The following TTLL4 variants were observed in gnomAD, a reference collection of about 807,000 sequenced individuals.
TTLL4 encodes the protein tubulin tyrosine ligase like 4, also known as tubulin monoglutamylase TTLL4.
Under a neutral mutation model 122.7 loss-of-function variants are expected in TTLL4, and 85 were observed. That is an observed-to-expected ratio of 0.69 (90% CI 0.58 to 0.83). The LOEUF (loss-of-function observed/expected upper bound fraction) is 0.83, where lower values mean the gene tolerates loss of function less well. Among genes scored for constraint, TTLL4 ranks in the 40% least tolerant of loss-of-function variants. The probability of loss-of-function intolerance (pLI) is 0.00; values close to 1 mark genes in which losing one functional copy is unlikely to be tolerated. For synonymous variants in TTLL4, 553 were observed against 563.0 expected (o/e 0.98, Z 0.25); for missense variants, 1,363 against 1,488.6 (o/e 0.92, Z 1.39).
intron 4 of TTLL4, 128 bp downstream of exon 4, chr2:218,740,295 G>C: frequency 1.0e-6 from 1 of 970,278 alleles, no homozygotes; most frequent in South Asian, 1.6e-5. Context: ...GGGGTCTTAA[G>C]TGGGGGTAGT....
chr2:218,739,043 T>C lies in TTLL4; in HGVS notation c.1367T>C (p.Phe456Ser). ...GAAGGCAAAGCTCCAGGTCCCCCTTTTCCTCAAACTCTTGGCATAGCCAAC... is the reference window on the plus strand; with the variant it reads ...GAAGGCAAAGCTCCAGGTCCCCCTTCTCCTCAAACTCTTGGCATAGCCAAC... ...FGEGKAPGPP[F>S]PQTLGIANVA... The change falls in exon 3 of 20, where the codon TTT becomes TCT. Residue 456 changes from phenylalanine (F) to serine (S), a missense_variant. This residue lies in a region of TTLL4 where 760 missense variants were observed against 808.4 expected (regional missense o/e 0.94). Transcript: ENST00000392102. The C allele has an allele frequency of 6.2e-7, 1 of 1,614,186 alleles. No individual in the cohort carries two copies. Among genetic ancestry groups the C allele is most frequent in the South Asian group, 1.1e-5 (1 of 91,088 alleles).
intron 2 of TTLL4, among the ~76,000 whole-genome samples, chr2:218,735,682 T>C (rs1942497845): frequency 6.6e-6 from 1 of 152,116 alleles, no homozygotes; most frequent in Non-Finnish European, 1.5e-5. Context: ...GACTCCTTTT[T>C]TTTTTTTTGA....
chr2:218,726,358 T>A (rs1022702812), intron 1 of TTLL4, among the ~76,000 whole-genome samples: 4 of 152,252 alleles, frequency 2.6e-5, no homozygotes. Flanking sequence ...GAGGTTTAAT[T>A]ATTATATGCC....
At chr2:218,727,759 C>T (rs1387481645) in intron 2 of TTLL4, among the ~76,000 whole-genome samples, 5 of 151,970 alleles carry the variant, frequency 3.3e-5, no homozygotes, top group African/African-American at 1.2e-4. Flanking sequence ...AAAAAACAAA[C>T]AAAAAAACCC....
chr2:218,720,997 G>C (rs931536461), intron 1 of TTLL4, among the ~76,000 whole-genome samples: 16 of 152,174 alleles, frequency 1.1e-4, no homozygotes, highest in African/African-American at 3.1e-4. Context: ...CAAAAGGACA[G>C]GGTTTGGATT....
At chr2:218,716,433 T>G (rs1941860266) in intron 1 of TTLL4, among the ~76,000 whole-genome samples, 1 of 150,014 alleles carries the variant, frequency 6.7e-6, no homozygotes. Context: ...TACTTCACAT[T>G]TTATCACACA....
At chr2:218,720,342 A>G (rs1361428964) in intron 1 of TTLL4, among the ~76,000 whole-genome samples, 1 of 152,236 alleles carries the variant, frequency 6.6e-6, no homozygotes, top group Admixed American at 6.5e-5. Flanking sequence ...GGTTGGGTAC[A>G]GCTGTGGCAG....
chr2:218,720,325 T>C (rs1255211868), intron 1 of TTLL4, among the ~76,000 whole-genome samples: 10 of 152,096 alleles, frequency 6.6e-5, no homozygotes, highest in African/African-American at 9.7e-5. Context: ...AAAGACACTA[T>C]TGAAGGGGTT....
At position 218,738,307 on chromosome 2, in the gene TTLL4, TC is replaced by T. The variant is rs1942591746; in HGVS notation, c.633del (p.Ser212ProfsTer6). 6.2e-7 allele frequency: 1 copy of T among 1,613,860 alleles called. No homozygotes were observed. The highest frequency in any genetic ancestry group is 1.3e-5 in the African/African-American group (1 of 74,848). On this transcript the variant is annotated frameshift_variant, in exon 3 of 20. Coordinates refer to ENST00000392102, the MANE Select transcript of TTLL4 (RefSeq NM_014640.5). LOFTEE classifies it high-confidence loss of function. ...ISGKIPSPLS[S>X]SYKPMLNNNS... ...AGGGAAGATCCCATCTCCACTCTCT[TC>T]CTCCTATAAGCCCATGCTGAATAAT...
intron 3 of TTLL4, among the ~76,000 whole-genome samples, chr2:218,739,639 A>G (rs1395255400): frequency 6.6e-6 from 1 of 152,238 alleles, no homozygotes; most frequent in Non-Finnish European, 1.5e-5. Flanking sequence ...ACAGCCATTT[A>G]TAGTTAGGGC....
rs1380898205 is a variant in TTLL4 at position 218,730,336 on chromosome 2, A to C, written c.-99+2989A>C. On this transcript the variant is annotated intron_variant, in intron 2 of 19. Transcript: ENST00000392102. Reference sequence around the variant, plus strand: ...CAAAAAAAAAAAAAAAAAAAAAAAAAAAAAAAAAAAAAAGAAAAAAAATTA... The same window carrying C: ...CAAAAAAAAAAAAAAAAAAAAAAAACAAAAAAAAAAAAAGAAAAAAAATTA... 6.9e-5 allele frequency among the ~76,000 whole-genome samples: 10 copies of C among 144,256 alleles called. No individual in the cohort carries two copies. The East Asian group carries it at 7.9e-4, about 11-fold the overall frequency. 94.6% of individuals were successfully genotyped at this position (144,256 alleles called of 152,430 possible).
intron 1 of TTLL4, among the ~76,000 whole-genome samples, chr2:218,721,360 G>A (rs1942035081): frequency 2.6e-5 from 4 of 152,208 alleles, no homozygotes; most frequent in Admixed American, 6.5e-5. Flanking sequence ...GTGCGTCACC[G>A]CGCCTGGCCA....
Position 218,754,672 on chromosome 2 carries a change from C to T in TTLL4, c.*283C>T. On this transcript the variant is annotated 3_prime_UTR_variant, in exon 20 of 20. Transcript: ENST00000392102. ...GTGGTGGCCACGCAGCCTTATAAAG[C>T]AGGTTTTGGTTTCTACCTTAAGTGA... 1 of 484,792 alleles carries T rather than the reference C, an allele frequency of 2.1e-6. No homozygotes were observed. Among genetic ancestry groups the T allele is most frequent in the Admixed American group, 3.5e-5 (1 of 28,216 alleles). The allele number at this position is 484,792 out of a possible 1,614,324, so 30.0% of individuals were successfully genotyped here.
chr2:218,728,489 T>C (rs1942259706), intron 2 of TTLL4, among the ~76,000 whole-genome samples: 1 of 152,190 alleles, frequency 6.6e-6, no homozygotes, highest in South Asian at 2.1e-4. Context: ...GTGGTAATGC[T>C]TACCTAAGTG....
At position 218,748,912 on chromosome 2, in the gene TTLL4, G is replaced by A. The variant is rs1942936717; in HGVS notation, c.2578G>A (p.Val860Ile). Reference protein sequence around the residue: ...SDAIWEKIKDVVVKTIISSEP... With the variant: ...SDAIWEKIKDIVVKTIISSEP... Reference sequence around the variant, plus strand: ...CGCCATCTGGGAGAAGATAAAGGATGTTGTTGTCAAAACTATCATCTCGTG... The same window carrying A: ...CGCCATCTGGGAGAAGATAAAGGATATTGTTGTCAAAACTATCATCTCGTG... Residue 860 changes from valine to isoleucine, a missense_variant, in exon 13 of 20, where the codon GTT (valine) becomes ATT (isoleucine). Transcript: ENST00000392102. The A allele has an allele frequency of 4.3e-6, 7 of 1,614,132 alleles. No homozygotes were observed. Among genetic ancestry groups the A allele is most frequent in the Non-Finnish European group, 5.9e-6 (7 of 1,180,028 alleles).
At chr2:218,726,148 A>G (rs12694439) in intron 1 of TTLL4, among the ~76,000 whole-genome samples, 75,561 of 151,818 alleles carry the variant, frequency 0.5, 19,535 homozygotes, top group African/African-American at 0.61. Flanking sequence ...GGGAAAGACT[A>G]TCTCTCATAT....
chr2:218,716,763 T>TG (rs1410945528), intron 1 of TTLL4, among the ~76,000 whole-genome samples: 1 of 152,060 alleles, frequency 6.6e-6, no homozygotes, highest in Non-Finnish European at 1.5e-5. Context: ...CACTCCAGCC[T>TG]GGCGACAGAG....
intron 2 of TTLL4, among the ~76,000 whole-genome samples, chr2:218,730,549 G>T (rs1309070295): frequency 6.6e-6 from 1 of 151,774 alleles, no homozygotes; most frequent in Non-Finnish European, 1.5e-5. Flanking sequence ...AAAAAGAAAT[G>T]GAGAGAGTGG....
intron 15 of TTLL4, among the ~76,000 whole-genome samples, chr2:218,751,132 C>T (rs1022913829): frequency 7.2e-5 from 11 of 152,184 alleles, no homozygotes; most frequent in Non-Finnish European, 7.3e-5. Context: ...ACAAAACTTA[C>T]TTTCCCCGCT....
Sources: gnomAD v4.1 joint callset for allele counts (sites outside exome capture counted in the v4.1 genomes callset) on GRCh38, gnomAD v4.1.1 for gene constraint, gnomAD v4.1.1 regional missense constraint, MANE v1.5 for transcripts, NCBI Gene and HGNC (gene_info 2026-07-23, HGNC 2026-07-21) for gene names.